Variants in OLFM3 observed in about 807,000 individuals in gnomAD.
OLFM3 encodes olfactomedin 3.
In OLFM3, 20 loss-of-function variants were observed where a neutral mutation model predicts 48.6. That is an observed-to-expected ratio of 0.41 (90% CI 0.29 to 0.60). The LOEUF is 0.60. Among genes scored for constraint, OLFM3 ranks in the 20% least tolerant of loss-of-function variants. OLFM3 has a pLI of 0.28. For synonymous variants in OLFM3, 222 were observed against 198.1 expected (o/e 1.12, Z -1.01); for missense variants, 437 against 544.3 (o/e 0.80, Z 1.96).
chr1:101,931,327 A>G (rs185139678), intron 1 of OLFM3, among the ~76,000 whole-genome samples: 72 of 152,296 alleles, frequency 4.7e-4, no homozygotes, highest in African/African-American at 1.5e-3. Context: ...TCTATCTTGT[A>G]CTTTCTCATT....
intron 1 of OLFM3, among the ~76,000 whole-genome samples, chr1:101,894,723 T>A (rs1328614636): frequency 6.6e-6 from 1 of 152,142 alleles, no homozygotes; most frequent in East Asian, 1.9e-4. Context: ...TGTTTCAAAG[T>A]CCAATAAAGG....
At chr1:101,904,336 T>C (rs926724479) in intron 1 of OLFM3, among the ~76,000 whole-genome samples, 1 of 152,128 alleles carries the variant, frequency 6.6e-6, no homozygotes, top group African/African-American at 2.4e-5. Context: ...AAAAATATCT[T>C]GACTTTATTT....
intron 1 of OLFM3, among the ~76,000 whole-genome samples, chr1:101,989,465 A>G (rs191747347): frequency 6.6e-6 from 1 of 152,262 alleles, no homozygotes; most frequent in East Asian, 1.9e-4. Flanking sequence ...AACCTCTTAT[A>G]GAAAGTAACA....
chr1:101,949,705 T>C (rs993464619), intron 1 of OLFM3, among the ~76,000 whole-genome samples: 1 of 150,866 alleles, frequency 6.6e-6, no homozygotes, highest in East Asian at 2.0e-4. Context: ...CTGAGGCGGG[T>C]GGATCACGAG....
rs538512145 is a variant in OLFM3, at chr1:101,881,507, C to A, written c.70-44482G>T. On this transcript the variant is annotated intron_variant, in intron 1 of 5. Transcript: ENST00000370103. ...GAATGAGGGAGAAACATTTGCCTGC[C>A]GTATAATAATAAGACTCAGTGCTTA... Among the ~76,000 whole-genome samples, 19 of 151,800 alleles carry A rather than the reference C, an allele frequency of 1.3e-4. No individual in the cohort carries two copies. The South Asian group carries it at 3.9e-3, about 31-fold the overall frequency.
At position 101,804,015 on chromosome 1, in the gene OLFM3, T is replaced by A; in HGVS notation, c.*223A>T. 1 of 346,876 alleles carries A rather than the reference T, an allele frequency of 2.9e-6. No individual in the cohort carries two copies. The highest frequency in any genetic ancestry group is 2.1e-5 in the African/African-American group (1 of 47,052). 21.5% of individuals were successfully genotyped at this position (346,876 alleles called of 1,614,324 possible). A position where few individuals can be genotyped will look rare whatever the true frequency, so the allele number is the denominator to read the frequency against. ...CTCTTTTTTTTTTTAGTGCTTTTCATGACAAGGACATGATAGGCCTTGTAA... is the reference window on the plus strand; with the variant it reads ...CTCTTTTTTTTTTTAGTGCTTTTCAAGACAAGGACATGATAGGCCTTGTAA... On this transcript the variant is annotated 3_prime_UTR_variant, in exon 6 of 6. Coordinates refer to ENST00000370103, the MANE Select transcript of OLFM3 (RefSeq NM_058170.4). The surrounding 1 kb of genome is among the most constrained non-coding windows in gnomAD (Gnocchi z 4.5).
Position 101,804,484 on chromosome 1 carries a change from A to T in OLFM3, c.1131T>A (p.Ser377=). ...TGYPKRSAGE[S]FMICGTLYVT... ...CATACAGTGTCCCACAGATCATGAA[A>T]GATTCCCCTGCACTTCTCTTGGGGT... The change falls in exon 6 of 6, where the codon TCT becomes TCA. Residue 377 remains serine (S), a synonymous_variant. Transcript: ENST00000370103. This position sits in a 1 kb window ranked among gnomAD's most constrained non-coding sequence, Gnocchi z 4.5. 1 of 1,612,754 alleles carries T rather than the reference A, an allele frequency of 6.2e-7. No individual in the cohort carries two copies. The highest frequency in any genetic ancestry group is 8.5e-7 in the Non-Finnish European group (1 of 1,179,146).
At chr1:101,871,621 C>T (rs1275438338) in intron 1 of OLFM3, among the ~76,000 whole-genome samples, 2 of 151,914 alleles carry the variant, frequency 1.3e-5, no homozygotes, top group Non-Finnish European at 2.9e-5. Flanking sequence ...CAATAAACAT[C>T]TCCATAGATA....
intron 1 of OLFM3, among the ~76,000 whole-genome samples, chr1:101,927,521 A>C (rs17125771): frequency 0.052 from 7,841 of 151,894 alleles, 653 homozygotes; most frequent in African/African-American, 0.17. Flanking sequence ...CACTATGGAA[A>C]ATTTTCTTTC....
At chr1:101,821,847 T>C (rs1032608281) in intron 4 of OLFM3, among the ~76,000 whole-genome samples, 8 of 152,170 alleles carry the variant, frequency 5.3e-5, no homozygotes, top group Admixed American at 6.5e-5. Context: ...TTGATATTTG[T>C]ATTATACTAG....
At chr1:101,996,649 T>C in intron 1 of OLFM3, 99 bp downstream of exon 1, 3 of 1,224,464 alleles carry the variant, frequency 2.5e-6, no homozygotes, top group Non-Finnish European at 3.6e-6. Context: ...CTGAAAGAGC[T>C]GTCTCTCGTC....
intron 1 of OLFM3, among the ~76,000 whole-genome samples, chr1:101,988,279 A>G (rs980697345): frequency 6.6e-6 from 1 of 152,122 alleles, no homozygotes; most frequent in African/African-American, 2.4e-5. Flanking sequence ...AGTCCATGCA[A>G]ATGAAATGGA....
intron 1 of OLFM3, among the ~76,000 whole-genome samples, chr1:101,973,457 C>T (rs1010128713): frequency 1.3e-5 from 2 of 152,188 alleles, no homozygotes. Context: ...ACTGAGTTTA[C>T]TGATTTAAAT....
At chr1:101,843,673 T>C (rs532472235) in intron 1 of OLFM3, among the ~76,000 whole-genome samples, 1 of 152,318 alleles carries the variant, frequency 6.6e-6, no homozygotes, top group Admixed American at 6.5e-5. Context: ...AAAACCCCTT[T>C]CAGCTTTTGA....
At chr1:101,939,849 T>C (rs150196797) in intron 1 of OLFM3, among the ~76,000 whole-genome samples, 1 of 152,310 alleles carries the variant, frequency 6.6e-6, no homozygotes, top group East Asian at 1.9e-4. Flanking sequence ...ACATTGTTTT[T>C]AGGGTATTTT....
chr1:101,960,337 T>C (rs1342102724), intron 1 of OLFM3, among the ~76,000 whole-genome samples: 1 of 152,164 alleles, frequency 6.6e-6, no homozygotes, highest in Non-Finnish European at 1.5e-5. Flanking sequence ...GCTCTTTAGA[T>C]GCACTCTGCA....
chr1:101,887,931 A>G (rs1033301621), intron 1 of OLFM3, among the ~76,000 whole-genome samples: 5 of 152,132 alleles, frequency 3.3e-5, no homozygotes, highest in African/African-American at 4.8e-5. Flanking sequence ...ATAAAAAAGC[A>G]TATATTCAAA....
intron 1 of OLFM3, among the ~76,000 whole-genome samples, chr1:101,967,037 C>T (rs991486180): frequency 3.9e-5 from 6 of 152,088 alleles, no homozygotes; most frequent in African/African-American, 9.7e-5. Context: ...CATGTTTGCT[C>T]ATTAACCTCC....
At chr1:101,923,566 T>A (rs556018619) in intron 1 of OLFM3, among the ~76,000 whole-genome samples, 1 of 152,272 alleles carries the variant, frequency 6.6e-6, no homozygotes, top group Non-Finnish European at 1.5e-5. Context: ...TTAGCAAAGC[T>A]TTGGGGTAAA....
Sources: gnomAD v4.1 joint callset for allele counts (sites outside exome capture counted in the v4.1 genomes callset) on GRCh38, gnomAD v4.1.1 for gene constraint, Gnocchi (gnomAD v3.1) non-coding constraint, MANE v1.5 for transcripts, NCBI Gene and HGNC (gene_info 2026-07-23, HGNC 2026-07-21) for gene names.